The following ZNF664 variants were observed in gnomAD, a reference collection of about 807,000 sequenced individuals.
ZNF664 encodes the protein zinc finger Organ of Corti 1.
A neutral mutation model predicts 18.2 loss-of-function variants in ZNF664; 10 were observed. The ratio of observed to expected loss-of-function variants is 0.55; its 90% CI spans 0.34 to 0.93. The LOEUF (loss-of-function observed/expected upper bound fraction) is 0.93, where lower values mean the gene tolerates loss of function less well. Among genes scored for constraint, ZNF664 ranks in the 40% least tolerant of loss-of-function variants. ZNF664 has a pLI of 0.02. For missense variants in ZNF664, 193 were observed against 319.0 expected (o/e 0.61, Z 3.01); for synonymous variants, 119 against 104.2 (o/e 1.14, Z -0.86).
chr12:123,989,033 C>T (rs922016389), intron 3 of ZNF664, among the ~76,000 whole-genome samples: 24 of 152,170 alleles, frequency 1.6e-4, no homozygotes, highest in Non-Finnish European at 3.1e-4. Flanking sequence ...AGGCTGGTTT[C>T]TCAGGCCCTG....
intron 2 of ZNF664, among the ~76,000 whole-genome samples, chr12:123,976,006 CATTTT>C (rs1956686851): frequency 6.6e-6 from 1 of 152,090 alleles, no homozygotes; most frequent in South Asian, 2.1e-4. Flanking sequence ...TGATGGGTAA[CATTTT>C]AAGATGTATG....
rs1218127035 is a variant in ZNF664, at chr12:123,973,432, G to C, written c.-892+80G>C. The C allele has an allele frequency of 9.5e-6, 8 of 840,572 alleles. No homozygotes were observed. The African/African-American group carries it at 1.1e-4, about 12-fold the overall frequency. 52.1% of individuals were successfully genotyped at this position (840,572 alleles called of 1,614,324 possible). On this transcript the variant is annotated intron_variant, in intron 1 of 4. Coordinates refer to ENST00000337815, the MANE Select transcript of ZNF664 (RefSeq NM_152437.3). The stretch of plus-strand genomic sequence containing the variant: ...GGGCCGGGGGCCAGGGAGCGGGCTG[G>C]GGGTGGGAAGGAGGTGGAGTGGCTT...
Position 123,996,915 on chromosome 12 carries a change from C to T in ZNF664, c.-661+8777C>T, listed in dbSNP as rs1157749683. ...AGTCTAATTGTGAAGCCACTGCTCACCCCTTCCCCAGGCTGCCAGCCACAG... is the reference window on the plus strand; with the variant it reads ...AGTCTAATTGTGAAGCCACTGCTCATCCCTTCCCCAGGCTGCCAGCCACAG... On this transcript the variant is annotated intron_variant, in intron 3 of 4. Coordinates refer to ENST00000337815, the MANE Select transcript of ZNF664 (RefSeq NM_152437.3). Among the ~76,000 whole-genome samples, 6 of 152,314 alleles carry T rather than the reference C, an allele frequency of 3.9e-5. No homozygotes were observed. In the East Asian group the frequency reaches 5.8e-4, roughly 15 times the overall value.
rs1957149203 is a variant in ZNF664, at chr12:124,012,907, C to A, written c.763C>A (p.His255Asn). 1 of 1,613,852 alleles carries A rather than the reference C, an allele frequency of 6.2e-7. No homozygotes were observed. Among genetic ancestry groups the A allele is most frequent in the Non-Finnish European group, 8.5e-7 (1 of 1,179,952 alleles). The stretch of plus-strand genomic sequence containing the variant: ...GAGAGTCCACACAAAGGAGAGAAAC[C>A]ATCTCAAAATATCAGTTATATAAAA... ...HQRVHTKERNHLKISVI is the reference protein window; with the variant it reads ...HQRVHTKERNNLKISVI The change falls in exon 5 of 5, where the codon CAT becomes AAT. Residue 255 changes from histidine (H) to asparagine (N), a missense_variant. Around this residue, in one of 3 missense-constraint regions of ZNF664, gnomAD observed 42 missense variants for 46.4 expected, o/e 0.91. Transcript: ENST00000337815.
intron 2 of ZNF664, among the ~76,000 whole-genome samples, chr12:123,980,462 A>G (rs549829088): frequency 8.1e-4 from 123 of 152,348 alleles, no homozygotes; most frequent in Non-Finnish European, 1.6e-4. Context: ...GGAACCATCA[A>G]AAGAATATTT....
chr12:123,997,024 CAGAAGCA>C (rs1956956758), intron 3 of ZNF664, among the ~76,000 whole-genome samples: 8 of 151,990 alleles, frequency 5.3e-5, no homozygotes, highest in Non-Finnish European at 7.4e-5. Context: ...CCTTGGGAGA[CAGAAGCA>C]AAGAATAAAA....
chr12:123,999,902 G>A lies in ZNF664; in HGVS notation c.-660-11479G>A, dbSNP rs1222748280. ...GGCAATAGCCACATAGCAAGTTGGG[G>A]TGAGGTCACACAAGCATTCCTGAGG... On this transcript the variant is annotated intron_variant, in intron 3 of 4. Coordinates refer to ENST00000337815, the MANE Select transcript of ZNF664 (RefSeq NM_152437.3). 2.0e-5 allele frequency among the ~76,000 whole-genome samples: 3 copies of A among 152,326 alleles called. No individual in the cohort carries two copies. In the East Asian group the frequency reaches 5.8e-4, roughly 29 times the overall value.
intron 3 of ZNF664, among the ~76,000 whole-genome samples, chr12:124,009,342 C>A (rs1163021586): frequency 6.6e-6 from 1 of 152,212 alleles, no homozygotes; most frequent in East Asian, 1.9e-4. Context: ...TTTTAACATT[C>A]ATTTAATTTT....
intron 2 of ZNF664, chr12:123,974,286 T>G: frequency 2.7e-6 from 1 of 364,580 alleles, no homozygotes; most frequent in Non-Finnish European, 4.9e-6. Context: ...AACTGAACTG[T>G]TCTGGTTGCT....
intron 2 of ZNF664, among the ~76,000 whole-genome samples, chr12:123,977,557 G>T (rs890406717): frequency 6.6e-6 from 1 of 151,530 alleles, no homozygotes; most frequent in Non-Finnish European, 1.5e-5. Context: ...ATAGAGTCAA[G>T]TGTGCACTCT....
chr12:123,977,389 C>T (rs1045178502), intron 2 of ZNF664, among the ~76,000 whole-genome samples: 3 of 147,514 alleles, frequency 2.0e-5, no homozygotes, highest in Non-Finnish European at 4.5e-5. Context: ...GATGGAGTGA[C>T]CATGTATTAG....
chr12:123,983,921 C>T (rs993301338), intron 2 of ZNF664, among the ~76,000 whole-genome samples: 11 of 152,272 alleles, frequency 7.2e-5, no homozygotes, highest in Middle Eastern at 6.8e-3. Flanking sequence ...CTGCACAAAG[C>T]GGGTTGCATG....
intron 3 of ZNF664, among the ~76,000 whole-genome samples, chr12:124,006,427 C>T (rs1009907235): frequency 8.5e-5 from 13 of 152,182 alleles, no homozygotes; most frequent in African/African-American, 2.4e-4. Flanking sequence ...CCTGTACCCC[C>T]GTCTTCAGGT....
intron 3 of ZNF664, among the ~76,000 whole-genome samples, chr12:123,999,816 G>T (rs561605751): frequency 1.3e-5 from 2 of 152,318 alleles, no homozygotes; most frequent in African/African-American, 4.8e-5. Context: ...TTTCTGTGTG[G>T]CATTTGGTTT....
intron 3 of ZNF664, among the ~76,000 whole-genome samples, chr12:124,009,682 A>G (rs1957112159): frequency 6.6e-6 from 1 of 151,662 alleles, no homozygotes; most frequent in Non-Finnish European, 1.5e-5. Context: ...AATTTAATTT[A>G]ATTTAATTTT....
chr12:123,997,333 T>G (rs1956961571), intron 3 of ZNF664, among the ~76,000 whole-genome samples: 1 of 152,196 alleles, frequency 6.6e-6, no homozygotes, highest in Non-Finnish European at 1.5e-5. Context: ...TTCCTTGGGC[T>G]GCTGTAACAA....
chr12:123,983,384 TAC>T (rs1226203214), intron 2 of ZNF664, among the ~76,000 whole-genome samples: 2 of 152,264 alleles, frequency 1.3e-5, no homozygotes, highest in South Asian at 2.1e-4. Context: ...GATTCTGAAA[TAC>T]ACAGTGTCTC....
intron 3 of ZNF664, among the ~76,000 whole-genome samples, chr12:123,996,463 A>G (rs1384571378): frequency 6.6e-6 from 1 of 152,188 alleles, no homozygotes; most frequent in Non-Finnish European, 1.5e-5. Context: ...GATTTTGGAG[A>G]TAGAATGCTC....
intron 3 of ZNF664, among the ~76,000 whole-genome samples, chr12:124,007,925 A>C (rs1957092216): frequency 6.6e-6 from 1 of 152,144 alleles, no homozygotes. Context: ...GTGCATCTCT[A>C]AGGCTGTAGA....
Sources: allele counts gnomAD v4.1 joint callset (sites outside exome capture counted in the v4.1 genomes callset), GRCh38; gene constraint gnomAD v4.1.1; regional missense constraint gnomAD v4.1.1; transcripts MANE v1.5; gene names NCBI Gene and HGNC (gene_info 2026-07-23, HGNC 2026-07-21).